Variants in TECPR2 observed in about 807,000 individuals in gnomAD.
The protein encoded by TECPR2 is tectonin beta-propeller repeat-containing protein 2.
TECPR2 carries 65 observed loss-of-function variants against 138.1 expected under a neutral mutation model. The observed-to-expected ratio is 0.47, with a 90% CI of 0.39 to 0.58. The LOEUF (loss-of-function observed/expected upper bound fraction) is 0.58. Among genes scored for constraint, TECPR2 ranks in the 20% least tolerant of loss-of-function variants. The pLI is 0.00. For synonymous variants in TECPR2, 746 were observed against 749.8 expected, an observed-to-expected ratio of 0.99 and a Z score of 0.08; for missense variants, 1,553 against 1,824.5, an observed-to-expected ratio of 0.85 and a Z score of 2.71.
chr14:102,456,062 C>T (rs913954544), intron 16 of TECPR2, among the ~76,000 whole-genome samples: 9 of 152,134 alleles, frequency 5.9e-5, no homozygotes, highest in African/African-American at 2.2e-4. Context: ...CCTTGGTTTC[C>T]TCTCCTTTCT....
At chr14:102,439,064 C>T (rs2139737981) in intron 10 of TECPR2, among the ~76,000 whole-genome samples, 1 of 152,106 alleles carries the variant, frequency 6.6e-6, no homozygotes, top group Admixed American at 6.6e-5. Flanking sequence ...CGGGGTTTCA[C>T]TGTGGTAGCC....
At chr14:102,388,375 T>G (rs1017071866) in intron 2 of TECPR2, among the ~76,000 whole-genome samples, 1 of 152,210 alleles carries the variant, frequency 6.6e-6, no homozygotes, top group African/African-American at 2.4e-5. Context: ...TGAATTCCAA[T>G]AGGTTTTTTT....
intron 16 of TECPR2, among the ~76,000 whole-genome samples, chr14:102,456,898 C>T (rs1402588007): frequency 6.6e-6 from 1 of 151,624 alleles, no homozygotes; most frequent in East Asian, 2.0e-4. Context: ...CTCCCTGTCA[C>T]TCTTAAGTTG....
Position 102,421,487 on chromosome 14 carries a change from C to T in TECPR2, c.639-3492C>T, listed in dbSNP as rs185828529. On this transcript the variant is annotated intron_variant, in intron 5 of 19. Coordinates refer to ENST00000359520, the MANE Select transcript of TECPR2 (RefSeq NM_014844.5). ...AGGGACCTAGTGAGATTCTGGTGTG[C>T]GAAGAAACCCCGCAAATAACTATCT... Among the ~76,000 whole-genome samples, 76 of 152,264 alleles carry T rather than the reference C, an allele frequency of 5.0e-4. No individual in the cohort carries two copies. In the Middle Eastern group the frequency reaches 0.01, roughly 20 times the overall value.
At chr14:102,452,861 G>A (rs1036943659) in intron 16 of TECPR2, among the ~76,000 whole-genome samples, 1 of 152,208 alleles carries the variant, frequency 6.6e-6, no homozygotes, top group Non-Finnish European at 1.5e-5. Context: ...AGAACCCGAG[G>A]AGGGTGTGCG....
Position 102,438,177 on chromosome 14 carries a change from T to C in TECPR2, c.2550T>C (p.Ala850=). 3 of 1,611,136 alleles carry C rather than the reference T, an allele frequency of 1.9e-6. No homozygotes were observed. The highest frequency in any genetic ancestry group is 2.5e-6 in the Non-Finnish European group (3 of 1,179,850). ...TGCGCTGGCAGAAGTTTGAAGATGC[T>C]GTCCAGCAGGTGGCAGTCTCGCCCT... ...AGLRWQKFED[A]VQQVAVSPSG... is the part of the protein sequence containing the mutation. The change falls in exon 10 of 20, where the codon GCT becomes GCC. Residue 850 remains alanine, a synonymous_variant. Transcript: ENST00000359520.
At chr14:102,497,219 C>G in intron 18 of TECPR2, 99 bp downstream of exon 18, 2 of 1,490,184 alleles carry the variant, frequency 1.3e-6, no homozygotes, top group East Asian at 2.4e-5. Flanking sequence ...TGTGAGGCAG[C>G]CTTTGTGCTG....
intron 4 of TECPR2, among the ~76,000 whole-genome samples, chr14:102,413,385 A>AT (rs1338773695): frequency 9.4e-5 from 14 of 148,960 alleles, no homozygotes; most frequent in East Asian, 7.8e-4. Context: ...ATGTATATAT[A>AT]TATATATTTT....
At chr14:102,431,676 C>G in intron 7 of TECPR2, 120 bp from the exon 8 acceptor site, 3 of 1,029,818 alleles carry the variant, frequency 2.9e-6, no homozygotes, top group Non-Finnish European at 4.2e-6. Flanking sequence ...TAGAATCATT[C>G]AGTTCTTTAG....
intron 1 of TECPR2, among the ~76,000 whole-genome samples, chr14:102,365,392 G>T (rs954728461): frequency 6.6e-6 from 1 of 152,202 alleles, no homozygotes; most frequent in Non-Finnish European, 1.5e-5. Context: ...TTCTTACAGG[G>T]CACATGTGGG....
chr14:102,416,136 T>A (rs1035793854), intron 5 of TECPR2, among the ~76,000 whole-genome samples: 6 of 152,200 alleles, frequency 3.9e-5, no homozygotes, highest in Non-Finnish European at 7.3e-5. Context: ...TTCTTTTTTG[T>A]TTGAGACAGA....
At chr14:102,439,071 A>G (rs1340081526) in intron 10 of TECPR2, among the ~76,000 whole-genome samples, 1 of 151,932 alleles carries the variant, frequency 6.6e-6, no homozygotes, top group Non-Finnish European at 1.5e-5. Context: ...TCACTGTGGT[A>G]GCCAGGATGG....
chr14:102,430,244 G>T lies in TECPR2; in HGVS notation c.1085-1552G>T, dbSNP rs961245235. ...CCACCTTAGCCTCCCAAAGTGATGGGATTACAGGCATGAGCCACCGCGCCC... is the reference window on the plus strand; with the variant it reads ...CCACCTTAGCCTCCCAAAGTGATGGTATTACAGGCATGAGCCACCGCGCCC... On this transcript the variant is annotated intron_variant, in intron 7 of 19. Transcript: ENST00000359520. Among the ~76,000 whole-genome samples, 76 of 152,316 alleles carry T rather than the reference G, an allele frequency of 5.0e-4. No individual in the cohort carries two copies. The Middle Eastern group carries it at 0.01, about 20-fold the overall frequency.
At chr14:102,413,634 C>T (rs1888943415) in intron 4 of TECPR2, among the ~76,000 whole-genome samples, 1 of 151,850 alleles carries the variant, frequency 6.6e-6, no homozygotes, top group Non-Finnish European at 1.5e-5. Flanking sequence ...CCACCTCGGC[C>T]TACCAAAATA....
rs992439332 is a variant in TECPR2 at position 102,468,913 on chromosome 14, T to G, written c.3789+3624T>G. Among the ~76,000 whole-genome samples, 5 of 152,228 alleles carry G rather than the reference T, an allele frequency of 3.3e-5. No homozygotes were observed. The East Asian group carries it at 9.6e-4, about 29-fold the overall frequency. ...CAACACCCTTGTCAAAATCAATTGA[T>G]TGTAAATATAAAGGTTTGCTACTGG... On this transcript the variant is annotated intron_variant, in intron 17 of 19. Transcript: ENST00000359520.
intron 9 of TECPR2, among the ~76,000 whole-genome samples, chr14:102,435,849 A>C (rs78104385): frequency 0.016 from 2,490 of 152,292 alleles, 29 homozygotes; most frequent in Middle Eastern, 0.051. Context: ...ATTTTTTTAA[A>C]AGTGCCTACT....
chr14:102,423,825 G>A (rs892048206), intron 5 of TECPR2, among the ~76,000 whole-genome samples: 9 of 152,100 alleles, frequency 5.9e-5, no homozygotes, highest in African/African-American at 2.2e-4. Flanking sequence ...GCCTCTGATG[G>A]GTTTAGAGAA....
chr14:102,446,036 T>G, intron 13 of TECPR2, 89 bp downstream of exon 13: 3 of 1,383,030 alleles, frequency 2.2e-6, no homozygotes, highest in Middle Eastern at 1.9e-4. Context: ...TTAACGATAC[T>G]AGATTAAATT....
At chr14:102,441,926 A>T (rs1312539640) in intron 11 of TECPR2, among the ~76,000 whole-genome samples, 1 of 152,174 alleles carries the variant, frequency 6.6e-6, no homozygotes, top group Non-Finnish European at 1.5e-5. Context: ...GCCACGTTGG[A>T]TTTATGTAAA....
Sources: gnomAD v4.1 joint callset for allele counts (sites outside exome capture counted in the v4.1 genomes callset) on GRCh38, gnomAD v4.1.1 for gene constraint, MANE v1.5 for transcripts, NCBI Gene and HGNC (gene_info 2026-07-23, HGNC 2026-07-21) for gene names.